Variants in PRKAG2 observed in about 807,000 individuals in gnomAD.
The protein encoded by PRKAG2 is protein kinase AMP-activated non-catalytic subunit gamma 2.
A neutral mutation model predicts 69.6 loss-of-function variants in PRKAG2; 26 were observed. That is an observed-to-expected ratio of 0.37 (90% CI 0.27 to 0.52). The LOEUF (loss-of-function observed/expected upper bound fraction) is 0.52. Ranked by LOEUF, PRKAG2 falls within the 20% of genes least tolerant of loss-of-function variation. The pLI is 0.90. For missense variants in PRKAG2, 557 were observed against 740.0 expected (o/e 0.75, Z 2.87); for synonymous variants, 293 against 285.0 (o/e 1.03, Z -0.28).
At chr7:151,774,609 C>A (rs919389530) in intron 3 of PRKAG2, among the ~76,000 whole-genome samples, 1 of 152,086 alleles carries the variant, frequency 6.6e-6, no homozygotes, top group Non-Finnish European at 1.5e-5. Context: ...GAGTTTGAGA[C>A]CAGCCTGGCC....
At chr7:151,678,019 C>CAG (rs1833230684) in intron 3 of PRKAG2, among the ~76,000 whole-genome samples, 3 of 152,156 alleles carry the variant, frequency 2.0e-5, no homozygotes, top group Admixed American at 2.0e-4. Flanking sequence ...GCGTCACCTA[C>CAG]AGAGCCACAG....
intron 3 of PRKAG2, among the ~76,000 whole-genome samples, chr7:151,748,288 T>C (rs1243119056): frequency 6.6e-6 from 1 of 152,208 alleles, no homozygotes; most frequent in Admixed American, 6.5e-5. Context: ...AGATAGTATA[T>C]GTAACAATGT....
At chr7:151,857,399 CAAAA>C (rs71198737) in intron 1 of PRKAG2, among the ~76,000 whole-genome samples, 2 of 123,006 alleles carry the variant, frequency 1.6e-5, no homozygotes, top group African/African-American at 3.1e-5. Flanking sequence ...CTGGAAGTAC[CAAAA>C]AAAAAAAAAA....
Position 151,832,235 on chromosome 7 carries a change from A to AGGAGGGAAGGAAG in PRKAG2, c.114+44271_114+44272insCTTCCTTCCCTCC, listed in dbSNP as rs1563737750. ...GAAGAGGAGGGGAGGAGGGAAGGAG[A>AGGAGGGAAGGAAG]GGAGGAGGGAAGGAAGGGAGGAGGG... On this transcript the variant is annotated intron_variant, in intron 1 of 15. Transcript: ENST00000287878. Among the ~76,000 whole-genome samples the AGGAGGGAAGGAAG allele has an allele frequency of 6.7e-4, 71 of 105,948 alleles. 2 individuals are homozygous for AGGAGGGAAGGAAG. The highest frequency in any genetic ancestry group is 2.4e-3 in the African/African-American group (57 of 23,590). 69.5% of individuals were successfully genotyped at this position (105,948 alleles called of 152,430 possible).
intron 1 of PRKAG2, among the ~76,000 whole-genome samples, chr7:151,813,298 C>T (rs149568896): frequency 4.7e-4 from 71 of 152,216 alleles, no homozygotes; most frequent in Middle Eastern, 3.4e-3. Flanking sequence ...CCTGCTAGCC[C>T]AGCCTTCTTC....
chr7:151,712,120 G>A lies in PRKAG2; in HGVS notation c.467-36483C>T, dbSNP rs1444617815. Reference sequence around the variant, plus strand: ...GGGACTCCAGGCCTTCCTCCGCGGCGCGTACGTGCATCACGTGGTGTAACA... The same window carrying A: ...GGGACTCCAGGCCTTCCTCCGCGGCACGTACGTGCATCACGTGGTGTAACA... On this transcript the variant is annotated intron_variant, in intron 3 of 15. Coordinates refer to ENST00000287878, the MANE Select transcript of PRKAG2 (RefSeq NM_016203.4). Among the ~76,000 whole-genome samples the A allele has an allele frequency of 3.3e-5, 5 of 152,236 alleles. No individual in the cohort carries two copies. The South Asian group carries it at 8.3e-4, about 25-fold the overall frequency.
chr7:151,692,059 A>T (rs1835746342), intron 3 of PRKAG2, among the ~76,000 whole-genome samples: 1 of 152,068 alleles, frequency 6.6e-6, no homozygotes, highest in South Asian at 2.1e-4. Context: ...GCAGTGGCAC[A>T]CTCCTGTTGT....
intron 4 of PRKAG2, among the ~76,000 whole-genome samples, chr7:151,658,664 C>G (rs1209304287): frequency 6.6e-6 from 1 of 152,084 alleles, no homozygotes; most frequent in Non-Finnish European, 1.5e-5. Context: ...CACGCCGAAA[C>G]AGTACAAAAA....
chr7:151,710,543 G>T (rs932540870), intron 3 of PRKAG2, among the ~76,000 whole-genome samples: 6 of 152,206 alleles, frequency 3.9e-5, no homozygotes, highest in African/African-American at 1.4e-4. Flanking sequence ...CAGGGCCCGT[G>T]CATGTGCTGT....
rs552285081 is a variant in PRKAG2, at chr7:151,841,052, G to A, written c.114+35455C>T. Reference sequence around the variant, plus strand: ...TACCCAGCCTGAAGTGCAGTGGTGCGATCTCAGCTCACTGCACCCTTGGCC... The same window carrying A: ...TACCCAGCCTGAAGTGCAGTGGTGCAATCTCAGCTCACTGCACCCTTGGCC... On this transcript the variant is annotated intron_variant, in intron 1 of 15. Coordinates refer to ENST00000287878, the MANE Select transcript of PRKAG2 (RefSeq NM_016203.4). Among the ~76,000 whole-genome samples, 14 of 152,238 alleles carry A rather than the reference G, an allele frequency of 9.2e-5. 1 individual carries two copies. The South Asian group carries it at 1.7e-3, about 18-fold the overall frequency.
rs1254389504 is a variant in PRKAG2, at chr7:151,872,804, A to AAGGCTGCAGGTGAGGGTGGGCT, written c.114+3681_114+3702dup. ...AGACACGAGTAAGAGGCAGTCCACC[A>AAGGCTGCAGGTGAGGGTGGGCT]AGGCTGCAGGTGAGGGTGGGCTGGG... On this transcript the variant is annotated intron_variant, in intron 1 of 15. Coordinates refer to ENST00000287878, the MANE Select transcript of PRKAG2 (RefSeq NM_016203.4). Among the ~76,000 whole-genome samples, 11 of 152,308 alleles carry AAGGCTGCAGGTGAGGGTGGGCT rather than the reference A, an allele frequency of 7.2e-5. No individual in the cohort carries two copies. The East Asian group carries it at 2.1e-3, about 29-fold the overall frequency.
Position 151,598,204 on chromosome 7 carries a change from C to T in PRKAG2, c.755-2750G>A, listed in dbSNP as rs548089443. Among the ~76,000 whole-genome samples, 73 of 152,114 alleles carry T rather than the reference C, an allele frequency of 4.8e-4. 1 individual carries two copies. Among genetic ancestry groups the T allele is most frequent in the Admixed American group, 3.7e-3 (57 of 15,266 alleles). On this transcript the variant is annotated intron_variant, in intron 5 of 15. Coordinates refer to ENST00000287878, the MANE Select transcript of PRKAG2 (RefSeq NM_016203.4). Reference sequence around the variant, plus strand: ...ACTGTGTTACATGAAATAAGCCAGGCGTGGAAAGACAAATACCATCCCATT... The same window carrying T: ...ACTGTGTTACATGAAATAAGCCAGGTGTGGAAAGACAAATACCATCCCATT...
At chr7:151,691,590 C>G (rs960473770) in intron 3 of PRKAG2, among the ~76,000 whole-genome samples, 1 of 151,970 alleles carries the variant, frequency 6.6e-6, no homozygotes, top group Admixed American at 6.6e-5. Flanking sequence ...ATCTTTAGGG[C>G]TATATACATT....
At chr7:151,818,690 G>T (rs1484754382) in intron 1 of PRKAG2, among the ~76,000 whole-genome samples, 1 of 152,258 alleles carries the variant, frequency 6.6e-6, no homozygotes, top group Non-Finnish European at 1.5e-5. Flanking sequence ...GGCCAGGGCA[G>T]CTGAAAGAAG....
At chr7:151,606,158 C>T (rs1817515361) in intron 5 of PRKAG2, among the ~76,000 whole-genome samples, 1 of 152,148 alleles carries the variant, frequency 6.6e-6, no homozygotes, top group South Asian at 2.1e-4. Flanking sequence ...GCTTCCCAAA[C>T]TTCTGGGATT....
chr7:151,760,250 GT>G (rs35168863), intron 3 of PRKAG2, among the ~76,000 whole-genome samples: 108,950 of 151,892 alleles, frequency 0.72, 39,802 homozygotes, highest in East Asian at 0.98. Flanking sequence ...TTTGTTTATT[GT>G]TTTTGAAACA....
chr7:151,727,601 CCTCAGGGTCACTGGCCACAGCTG>C (rs1316518474), intron 3 of PRKAG2, among the ~76,000 whole-genome samples: 1 of 152,214 alleles, frequency 6.6e-6, no homozygotes, highest in Admixed American at 6.5e-5. Context: ...GGACATCCCT[CCTCAGGGTCACTGGCCACAGCTG>C]CTCAGAGGTC....
At chr7:151,769,478 G>A (rs1460467844) in intron 3 of PRKAG2, among the ~76,000 whole-genome samples, 1 of 152,220 alleles carries the variant, frequency 6.6e-6, no homozygotes, top group South Asian at 2.1e-4. Flanking sequence ...TGAAGGCAGA[G>A]GCTGAAGTTA....
intron 6 of PRKAG2, among the ~76,000 whole-genome samples, chr7:151,595,005 C>T (rs1435107312): frequency 6.6e-6 from 1 of 152,094 alleles, no homozygotes; most frequent in African/African-American, 2.4e-5. Flanking sequence ...ATCACGTTGG[C>T]CAGGCTGGTC....
Sources: allele counts gnomAD v4.1 joint callset (sites outside exome capture counted in the v4.1 genomes callset), GRCh38; gene constraint gnomAD v4.1.1; transcripts MANE v1.5; gene names NCBI Gene and HGNC (gene_info 2026-07-23, HGNC 2026-07-21).